Variants in ATP2B2 observed in about 807,000 individuals in gnomAD.
The protein encoded by ATP2B2 is plasma membrane calcium-transporting ATPase 2.
Under a neutral mutation model 120.0 loss-of-function variants are expected in ATP2B2, and 15 were observed. The observed-to-expected ratio is 0.12, with a 90% confidence interval of 0.08 to 0.19. The LOEUF (loss-of-function observed/expected upper bound fraction) is 0.19, where lower values mean the gene tolerates loss of function less well. ATP2B2 is among the 10% of genes least tolerant of loss of function. ATP2B2 has a pLI of 1.00. For synonymous variants in ATP2B2, 694 were observed against 700.3 expected, an observed-to-expected ratio of 0.99 and a Z score of 0.14; for missense variants, 1,045 against 1,719.8, an observed-to-expected ratio of 0.61 and a Z score of 6.94.
intron 1 of ATP2B2, among the ~76,000 whole-genome samples, chr3:10,703,691 G>T (rs2125721688): frequency 6.6e-6 from 1 of 152,346 alleles, no homozygotes; most frequent in Non-Finnish European, 1.5e-5. Flanking sequence ...AATGGGGATT[G>T]TAATAACCAT....
intron 1 of ATP2B2, among the ~76,000 whole-genome samples, chr3:10,679,980 C>T (rs1198871784): frequency 2.6e-5 from 4 of 152,106 alleles, no homozygotes; most frequent in African/African-American, 7.2e-5. Context: ...AATAACCTGT[C>T]GGTTCCACGA....
intron 1 of ATP2B2, among the ~76,000 whole-genome samples, chr3:10,451,879 T>C (rs2064065769): frequency 6.6e-6 from 1 of 152,146 alleles, no homozygotes; most frequent in African/African-American, 2.4e-5. Flanking sequence ...CAAACAACAA[T>C]ACTCCCCTGC....
chr3:10,393,865 G>A (rs534450212), intron 5 of ATP2B2, among the ~76,000 whole-genome samples: 71 of 152,278 alleles, frequency 4.7e-4, no homozygotes, highest in Non-Finnish European at 1.5e-4. Context: ...TCCTGGCCTT[G>A]GGCCTGTCCT....
At chr3:10,345,249 G>C (rs2060396686) in intron 18 of ATP2B2, 135 bp downstream of exon 18, 1 of 987,756 alleles carries the variant, frequency 1.0e-6, no homozygotes, top group Non-Finnish European at 1.5e-6. Context: ...CTGGCCCCCA[G>C]CAGGTGCTCC....
intron 1 of ATP2B2, among the ~76,000 whole-genome samples, chr3:10,640,223 C>G (rs2070134686): frequency 6.6e-6 from 1 of 152,180 alleles, no homozygotes; most frequent in South Asian, 2.1e-4. Context: ...ATCTAAGGTG[C>G]TCTTTCACCC....
chr3:10,376,456 C>T (rs1349143739), intron 10 of ATP2B2, among the ~76,000 whole-genome samples: 1 of 152,122 alleles, frequency 6.6e-6, no homozygotes, highest in Non-Finnish European at 1.5e-5. Flanking sequence ...GAAACTGAGG[C>T]TCAGATAGGG....
chr3:10,661,308 G>A (rs2070774096), intron 1 of ATP2B2, among the ~76,000 whole-genome samples: 1 of 152,070 alleles, frequency 6.6e-6, no homozygotes, highest in South Asian at 2.1e-4. Context: ...AAGTCAAATT[G>A]TCTCTGTTTG....
Position 10,402,391 on chromosome 3 carries a change from C to T in ATP2B2, c.398-43G>A. 1 of 1,608,354 alleles carries T rather than the reference C, an allele frequency of 6.2e-7. No individual in the cohort carries two copies. Among genetic ancestry groups the T allele is most frequent in the Non-Finnish European group, 8.5e-7 (1 of 1,179,912 alleles). ...AGCAGGCAGAGTGAGGTCAACCAGACAGGAGAGGCCTCATGGGCCTGGATT... is the reference window on the plus strand; with the variant it reads ...AGCAGGCAGAGTGAGGTCAACCAGATAGGAGAGGCCTCATGGGCCTGGATT... On this transcript the variant is annotated intron_variant, in intron 3 of 22. Transcript: ENST00000360273. This position sits in a 1 kb window ranked among gnomAD's most constrained non-coding sequence, Gnocchi z 4.9.
chr3:10,685,382 T>C (rs1283428389), intron 1 of ATP2B2, among the ~76,000 whole-genome samples: 4 of 152,130 alleles, frequency 2.6e-5, no homozygotes, highest in Non-Finnish European at 5.9e-5. Context: ...GTGGGTTTTG[T>C]GGAAGTGACT....
intron 1 of ATP2B2, among the ~76,000 whole-genome samples, chr3:10,622,302 T>C (rs958993609): frequency 3.3e-5 from 5 of 152,166 alleles, no homozygotes; most frequent in African/African-American, 1.2e-4. Flanking sequence ...CACTAGTGAA[T>C]TTTTAATTAT....
intron 1 of ATP2B2, among the ~76,000 whole-genome samples, chr3:10,455,705 C>T (rs1370988680): frequency 2.6e-5 from 4 of 152,228 alleles, no homozygotes; most frequent in Admixed American, 2.6e-4. Flanking sequence ...CTGGACAGGG[C>T]ATATAGCCAG....
chr3:10,456,588 A>G (rs995575835), intron 1 of ATP2B2, among the ~76,000 whole-genome samples: 17 of 152,198 alleles, frequency 1.1e-4, no homozygotes, highest in African/African-American at 3.9e-4. Flanking sequence ...CTCCTATGAA[A>G]ATTTAACTTA....
intron 1 of ATP2B2, among the ~76,000 whole-genome samples, chr3:10,481,721 T>G (rs2065422499): frequency 6.6e-6 from 1 of 152,128 alleles, no homozygotes. Context: ...GCCCAGCTAA[T>G]TTTTGTATTT....
At chr3:10,510,595 G>A (rs1246396927) in intron 3 of ATP2B2, among the ~76,000 whole-genome samples, 1 of 152,234 alleles carries the variant, frequency 6.6e-6, no homozygotes, top group East Asian at 1.9e-4. Context: ...CCTGTGTGGG[G>A]CAGGTGAGTG....
chr3:10,366,468 G>A (rs1054677137), intron 12 of ATP2B2, among the ~76,000 whole-genome samples: 2 of 152,160 alleles, frequency 1.3e-5, no homozygotes, highest in African/African-American at 2.4e-5. Context: ...CACTTCGGGG[G>A]CTCCAGGGAG....
At chr3:10,332,731 C>T (rs1269343202) in intron 22 of ATP2B2, among the ~76,000 whole-genome samples, 6 of 152,124 alleles carry the variant, frequency 3.9e-5, no homozygotes, top group South Asian at 2.1e-4. Context: ...TGAGGGACTC[C>T]GGAGTCTGAC....
intron 1 of ATP2B2, among the ~76,000 whole-genome samples, chr3:10,471,281 G>A (rs890216103): frequency 6.6e-5 from 10 of 152,082 alleles, no homozygotes; most frequent in Admixed American, 3.3e-4. Flanking sequence ...ACACCCCTTC[G>A]GGCCAATCCC....
At chr3:10,591,105 C>A (rs1236289634) in intron 2 of ATP2B2, among the ~76,000 whole-genome samples, 1 of 152,016 alleles carries the variant, frequency 6.6e-6, no homozygotes, top group Non-Finnish European at 1.5e-5. Flanking sequence ...AGTCAACTCA[C>A]CCTTCTGAGA....
intron 2 of ATP2B2, among the ~76,000 whole-genome samples, chr3:10,591,584 TTA>T (rs2068645600): frequency 6.6e-6 from 1 of 152,208 alleles, no homozygotes; most frequent in Non-Finnish European, 1.5e-5. Context: ...CTCACCTGTC[TTA>T]AAAACACGCC....
Sources: gnomAD v4.1 joint callset for allele counts (sites outside exome capture counted in the v4.1 genomes callset) on GRCh38, gnomAD v4.1.1 for gene constraint, Gnocchi (gnomAD v3.1) non-coding constraint, MANE v1.5 for transcripts, NCBI Gene and HGNC (gene_info 2026-07-23, HGNC 2026-07-21) for gene names.